VWA8: variants seen among roughly 807,000 people sequenced by gnomAD.
The protein encoded by VWA8 is von Willebrand factor A domain containing 8, also known as von Willebrand factor A domain-containing protein 8.
A neutral mutation model predicts 241.5 loss-of-function variants in VWA8; 221 were observed. That is an observed-to-expected ratio of 0.91 (90% CI 0.82 to 1.02). The LOEUF (loss-of-function observed/expected upper bound fraction) is 1.02, where lower values mean the gene tolerates loss of function less well. Among genes scored for constraint, VWA8 ranks in the 50% least tolerant of loss-of-function variants. VWA8 has a pLI of 0.00. For missense variants in VWA8, 2,322 were observed against 2,328.7 expected (o/e 1.00, Z 0.06); for synonymous variants, 852 against 827.1 (o/e 1.03, Z -0.52).
At chr13:41,721,752 TG>T (rs1250798084) in intron 24 of VWA8, among the ~76,000 whole-genome samples, 177 bp from the exon 25 acceptor site, 2 of 152,072 alleles carry the variant, frequency 1.3e-5, no homozygotes, top group South Asian at 2.1e-4. Flanking sequence ...AAAAGAAAAC[TG>T]GGTGATGGAT....
intron 25 of VWA8, among the ~76,000 whole-genome samples, chr13:41,720,476 C>T (rs942713257): frequency 2.6e-5 from 4 of 152,016 alleles, no homozygotes; most frequent in African/African-American, 4.8e-5. Flanking sequence ...TGTATGTATG[C>T]CTTACAGAAT....
At chr13:41,813,908 T>C (rs889304210) in intron 16 of VWA8, among the ~76,000 whole-genome samples, 2 of 152,126 alleles carry the variant, frequency 1.3e-5, no homozygotes, top group African/African-American at 4.8e-5. Flanking sequence ...GGTGAAGATA[T>C]GAAGCACATT....
chr13:41,748,705 C>G (rs186115859), intron 21 of VWA8, among the ~76,000 whole-genome samples: 1 of 152,258 alleles, frequency 6.6e-6, no homozygotes, highest in East Asian at 1.9e-4. Flanking sequence ...AATAATGCCA[C>G]ACATCTACAA....
intron 35 of VWA8, among the ~76,000 whole-genome samples, chr13:41,684,581 G>T (rs1262047746): frequency 6.6e-6 from 1 of 152,116 alleles, no homozygotes. Flanking sequence ...GGGTTTTAAG[G>T]AGTAAGTGAA....
At chr13:41,881,719 G>A (rs1341872717) in intron 9 of VWA8, among the ~76,000 whole-genome samples, 15 of 146,354 alleles carry the variant, frequency 1.0e-4, no homozygotes, top group East Asian at 2.1e-4. Context: ...GCGGCTGGCC[G>A]GGCTGGGGGC....
At chr13:41,883,336 A>G (rs1465872619) in intron 9 of VWA8, 51 bp downstream of exon 9, 3 of 1,459,028 alleles carry the variant, frequency 2.1e-6, no homozygotes, top group African/African-American at 2.8e-5. Flanking sequence ...GGAAAAGGCA[A>G]GGGAAGGGAA....
chr13:41,570,980 TAA>T (rs758175393), intron 43 of VWA8, among the ~76,000 whole-genome samples: 1 of 152,188 alleles, frequency 6.6e-6, no homozygotes, highest in Non-Finnish European at 1.5e-5. Context: ...CACTTCCACT[TAA>T]AGTGAGAAAA....
chr13:41,780,906 G>A (rs1566454554), intron 19 of VWA8, among the ~76,000 whole-genome samples: 1 of 152,098 alleles, frequency 6.6e-6, no homozygotes, highest in South Asian at 2.1e-4. Flanking sequence ...TGTGCTCCCT[G>A]AGAAAGAATC....
chr13:41,935,985 C>T (rs1439378827), intron 2 of VWA8, among the ~76,000 whole-genome samples: 1 of 152,056 alleles, frequency 6.6e-6, no homozygotes, highest in African/African-American at 2.4e-5. Flanking sequence ...CTACCACAAA[C>T]ACCAAAATGC....
chr13:41,742,187 G>A lies in VWA8; in HGVS notation c.2427-10032C>T, dbSNP rs542683762. ...ATTTCATGGAAAATATGAAACCATC[G>A]GAGAACCAATCATCTATCCATTTCA... On this transcript the variant is annotated intron_variant, in intron 21 of 44. Coordinates refer to ENST00000379310, the MANE Select transcript of VWA8 (RefSeq NM_015058.2). 4.6e-5 allele frequency among the ~76,000 whole-genome samples: 7 copies of A among 152,240 alleles called. No individual in the cohort carries two copies. The South Asian group carries it at 6.2e-4, about 14-fold the overall frequency.
At chr13:41,770,173 C>T (rs1246547814) in intron 20 of VWA8, among the ~76,000 whole-genome samples, 3 of 151,984 alleles carry the variant, frequency 2.0e-5, no homozygotes, top group Non-Finnish European at 2.9e-5. Context: ...TGAGGCCGGG[C>T]GCGGTGGCTC....
At chr13:41,849,588 T>C (rs1872439231) in intron 12 of VWA8, among the ~76,000 whole-genome samples, 1 of 152,076 alleles carries the variant, frequency 6.6e-6, no homozygotes, top group Non-Finnish European at 1.5e-5. Flanking sequence ...GTAAAGTACA[T>C]TGAAAACAGA....
chr13:41,727,540 T>C (rs2045446702), intron 23 of VWA8, among the ~76,000 whole-genome samples: 1 of 152,136 alleles, frequency 6.6e-6, no homozygotes, highest in East Asian at 1.9e-4. Context: ...ACTTGCACTC[T>C]TATATACCTT....
chr13:41,819,463 G>T, intron 14 of VWA8, 77 bp from the exon 15 acceptor site: 1 of 1,420,544 alleles, frequency 7.0e-7, no homozygotes. Flanking sequence ...TAAAGTCTAG[G>T]CAACGTTAGG....
chr13:41,572,910 C>T (rs2044318416), intron 43 of VWA8, among the ~76,000 whole-genome samples: 1 of 147,266 alleles, frequency 6.8e-6, no homozygotes. Context: ...GAGTTCGAGA[C>T]CGGCCTGGCC....
intron 40 of VWA8, among the ~76,000 whole-genome samples, chr13:41,603,201 T>G (rs2044532745): frequency 6.6e-6 from 1 of 152,176 alleles, no homozygotes; most frequent in South Asian, 2.1e-4. Flanking sequence ...TTCAGAGTTT[T>G]CATTCATTCC....
In VWA8 at chr13:41,729,668, C is replaced by T; in HGVS notation, c.2512G>A (p.Val838Ile). The T allele has an allele frequency of 1.2e-6, 2 of 1,605,754 alleles. No individual in the cohort carries two copies. Among genetic ancestry groups the T allele is most frequent in the South Asian group, 1.1e-5 (1 of 88,918 alleles). ...VYEDSPLVKAVKLGHILVVDE... is the reference protein window; with the variant it reads ...VYEDSPLVKAIKLGHILVVDE... ...ACTACCAGAATATGACCCAACTTTA[C>T]TGCTTTAACCTTTGACGACAGAAAA... The change falls in exon 23 of 45, where the codon GTA (valine) becomes ATA (isoleucine). Residue 838 changes from valine (V) to isoleucine (I), a missense_variant. Physicochemically the swap from Val to Ile is conservative, Grantham distance 29. Coordinates refer to ENST00000379310, the MANE Select transcript of VWA8 (RefSeq NM_015058.2).
At chr13:41,583,651 A>AAC (rs1408382638) in intron 42 of VWA8, among the ~76,000 whole-genome samples, 12 of 145,008 alleles carry the variant, frequency 8.3e-5, no homozygotes, top group South Asian at 4.7e-4. Flanking sequence ...TCAAAAAAAA[A>AAC]AAAAAAAAAA....
intron 19 of VWA8, among the ~76,000 whole-genome samples, chr13:41,780,717 C>T (rs1378875183): frequency 6.6e-6 from 1 of 152,168 alleles, no homozygotes; most frequent in Non-Finnish European, 1.5e-5. Context: ...CTTGTCACCT[C>T]ATTTCTCAAA....
Sources: gnomAD v4.1 joint callset for allele counts (sites outside exome capture counted in the v4.1 genomes callset) on GRCh38, gnomAD v4.1.1 for gene constraint, MANE v1.5 for transcripts, NCBI Gene and HGNC (gene_info 2026-07-23, HGNC 2026-07-21) for gene names.